Variants in HNRNPL observed in about 807,000 individuals in gnomAD.
HNRNPL encodes the protein epididymis secretory sperm binding protein.
In HNRNPL, 12 loss-of-function variants were observed where a neutral mutation model predicts 64.0. That is an observed-to-expected ratio of 0.19 (90% confidence interval 0.12 to 0.30). The LOEUF is 0.30. HNRNPL is among the 10% of genes least tolerant of loss of function. HNRNPL has a pLI of 1.00. For missense variants in HNRNPL, 484 were observed against 797.4 expected, an observed-to-expected ratio of 0.61 and a Z score of 4.73; for synonymous variants, 385 against 313.0, an observed-to-expected ratio of 1.23 and a Z score of -2.43.
upstream of HNRNPL, chr19:38,852,208 G>A (rs1287795996): frequency 2.6e-5 from 2 of 76,652 alleles, no homozygotes; most frequent in African/African-American, 9.3e-5. Context: ...CCCCCACCCC[G>A]CTGCTCGGAC....
chr19:38,845,753 G>A lies in HNRNPL; in HGVS notation c.625-18C>T, dbSNP rs1298302200. ...AGAACATCCTGCAAAAGCAAACACA[G>A]GCAAGATGAAGGGGCACTGGCAGAT... On this transcript the variant is annotated intron_variant, in intron 3 of 12. Coordinates refer to ENST00000221419, the MANE Select transcript of HNRNPL (RefSeq NM_001533.3). 13 of 1,610,834 alleles carry A rather than the reference G, an allele frequency of 8.1e-6. No individual in the cohort carries two copies. Among genetic ancestry groups the A allele is most frequent in the Non-Finnish European group, 9.3e-6 (11 of 1,177,088 alleles).
At chr19:38,837,768 T>C in intron 10 of HNRNPL, 117 bp from the exon 11 acceptor site, 1 of 839,626 alleles carries the variant, frequency 1.2e-6, no homozygotes, top group Non-Finnish European at 1.9e-6. Context: ...AAAAGGCTTG[T>C]AGATTTTATC....
At chr19:38,843,301 T>C (rs757025165) in intron 6 of HNRNPL, 2 of 155,494 alleles carry the variant, frequency 1.3e-5, no homozygotes, top group Admixed American at 6.2e-5. Context: ...CCTGCAGAGA[T>C]GTTGCGTCCC....
At position 38,838,949 on chromosome 19, in the gene HNRNPL, G is replaced by T. The variant is rs749338445; in HGVS notation, c.1300C>A (p.Arg434=). The T allele has an allele frequency of 3.7e-6, 6 of 1,613,974 alleles. No homozygotes were observed. The highest frequency in any genetic ancestry group is 5.1e-6 in the Non-Finnish European group (6 of 1,180,020). ...VEMADGYAVD[R]AITHLNNNFM... ...TTGTTGTTGAGGTGGGTAATGGCCC[G>T]GTCTACAGCGTAGCCATCAGCCATC... is the stretch of plus-strand genomic sequence containing the variant. Residue 434 remains arginine (R), a synonymous_variant, in exon 9 of 13, where the codon CGG becomes AGG. Transcript: ENST00000221419.
intron 10 of HNRNPL, 112 bp downstream of exon 10, chr19:38,838,285 G>A (rs939090665): frequency 2.4e-6 from 2 of 838,760 alleles, no homozygotes; most frequent in African/African-American, 3.4e-5. Flanking sequence ...CTCAACCCAG[G>A]GCCAGGCAGG....
At chr19:38,843,695 A>C in intron 6 of HNRNPL, 147 bp downstream of exon 6, 1 of 657,398 alleles carries the variant, frequency 1.5e-6, no homozygotes, top group Non-Finnish European at 2.7e-6. Context: ...CCATCCCACT[A>C]GGGTGTCCAA....
chr19:38,850,952 C>A (rs1168107552), upstream of HNRNPL: 1 of 152,294 alleles, frequency 6.6e-6, no homozygotes, highest in East Asian at 1.9e-4. Flanking sequence ...CACTACCCCT[C>A]CTGCAGGAGC....
rs1274230438 is a variant in HNRNPL, at chr19:38,849,819, C to T, written c.148G>A (p.Gly50Ser). Residue 50 changes from glycine (G) to serine (S), a missense_variant, in exon 1 of 13, where the codon GGC (glycine) becomes AGC (serine). Gly to Ser is a moderately conservative substitution (Grantham distance 56, BLOSUM62 0). This residue lies in a region of HNRNPL where 190 missense variants were observed against 160.1 expected (regional missense o/e 1.19). Transcript: ENST00000221419. The stretch of plus-strand genomic sequence containing the variant: ...GGGGCCCGGCCGCCCTCACTGCCGC[C>T]GCCGTAGTAGCGGCCACCGCCGCCT... ...GGGGGGRYYG[G>S]GSEGGRAPKR... The T allele has an allele frequency of 3.9e-6, 5 of 1,277,230 alleles. No homozygotes were observed. Among genetic ancestry groups the T allele is most frequent in the African/African-American group, 1.5e-5 (1 of 64,690 alleles). 79.1% of individuals were successfully genotyped at this position (1,277,230 alleles called of 1,614,324 possible). A position where few individuals can be genotyped will look rare whatever the true frequency, so the allele number is the denominator to read the frequency against.
At chr19:38,850,151 T>TGAGACACTCCTTATA (rs1972463391), upstream of HNRNPL, 11 of 492,014 alleles carry the variant, frequency 2.2e-5, no homozygotes, top group Admixed American at 4.3e-4. Flanking sequence ...CTTGTTTGTC[T>TGAGACACTCCTTATA]GAGACACTCC....
At position 38,836,606 on chromosome 19, in the gene HNRNPL, A is replaced by G. The variant is rs943745523; in HGVS notation, c.*116T>C. The G allele has an allele frequency of 4.7e-6, 2 of 423,500 alleles. No individual in the cohort carries two copies. The highest frequency in any genetic ancestry group is 4.1e-5 in the African/African-American group (2 of 48,622). The allele number at this position is 423,500 out of a possible 1,614,324, so 26.2% of individuals were successfully genotyped here. A position where few individuals can be genotyped will look rare whatever the true frequency, so the allele number is the denominator to read the frequency against. On this transcript the variant is annotated 3_prime_UTR_variant, in exon 13 of 13. Transcript: ENST00000221419. ...TCTACAAACCTAGCATTTAAAAAAA[A>G]AAAAAAAAAAAAAAAAAAGGAATAC...
chr19:38,850,091 C>T (rs1972461724), upstream of HNRNPL: 2 of 727,064 alleles, frequency 2.8e-6, no homozygotes, highest in Admixed American at 4.2e-5. Flanking sequence ...CGCCACACGC[C>T]TTGCGCGCTT....
At chr19:38,846,424 C>T (rs866698354) in intron 2 of HNRNPL, among the ~76,000 whole-genome samples, 1 of 152,196 alleles carries the variant, frequency 6.6e-6, no homozygotes, top group African/African-American at 2.4e-5. Context: ...CAGCTCACTA[C>T]TGTATTTGCA....
chr19:38,844,163 C>T, intron 4 of HNRNPL, 59 bp from the exon 5 acceptor site: 1 of 1,134,292 alleles, frequency 8.8e-7, no homozygotes, highest in South Asian at 1.2e-5. Context: ...CTTCAAGTTA[C>T]CCCAGAGTGT....
Position 38,838,655 on chromosome 19 carries a change from T to C in HNRNPL, c.1356-57A>G, listed in dbSNP as rs898532452. On this transcript the variant is annotated intron_variant, in intron 9 of 12. Transcript: ENST00000221419. Reference sequence around the variant, plus strand: ...ATACCCAAAGTTGTCCCTGAAGCTTTCCCCTGTGGCCTCCAGAGGCTTAGC... The same window carrying C: ...ATACCCAAAGTTGTCCCTGAAGCTTCCCCCTGTGGCCTCCAGAGGCTTAGC... 1.9e-6 allele frequency: 3 copies of C among 1,545,152 alleles called. No individual in the cohort carries two copies. In the African/African-American group the frequency reaches 4.1e-5, roughly 21 times the overall value.
chr19:38,837,976 T>A (rs985916139), intron 10 of HNRNPL, among the ~76,000 whole-genome samples: 1 of 152,212 alleles, frequency 6.6e-6, no homozygotes, highest in African/African-American at 2.4e-5. Flanking sequence ...CCACTTGAGT[T>A]CCTCCTCCCT....
Position 38,846,025 on chromosome 19 carries a change from C to G in HNRNPL, c.452G>C (p.Cys151Ser). 1 of 1,614,214 alleles carries G rather than the reference C, an allele frequency of 6.2e-7. No homozygotes were observed. Among genetic ancestry groups the G allele is most frequent in the Non-Finnish European group, 8.5e-7 (1 of 1,180,032 alleles). Residue 151 changes from cysteine to serine, a missense_variant, in exon 3 of 13, where the codon TGC (cysteine) becomes TCC (serine). Cys to Ser is a moderately radical substitution (Grantham distance 112). This residue lies in a region of HNRNPL where 23 missense variants were observed against 70.8 expected (regional missense o/e 0.32). Coordinates refer to ENST00000221419, the MANE Select transcript of HNRNPL (RefSeq NM_001533.3). ...GTCGGCTGCGTAGTTCACTGCGTTG[C>G]AAGCCCCCAACACATCTTCAAACTC... Reference protein sequence around the residue: ...LVEFEDVLGACNAVNYAADNQ... With the variant: ...LVEFEDVLGASNAVNYAADNQ...
intron 6 of HNRNPL, among the ~76,000 whole-genome samples, chr19:38,843,197 C>T (rs895012056): frequency 6.6e-6 from 1 of 152,100 alleles, no homozygotes; most frequent in African/African-American, 2.4e-5. Context: ...GGGGGGCTGC[C>T]GCTGTTTCTC....
At chr19:38,843,762 C>T (rs968240040) in intron 6 of HNRNPL, 80 bp downstream of exon 6, 2 of 1,223,764 alleles carry the variant, frequency 1.6e-6, no homozygotes, top group Admixed American at 3.5e-5. Flanking sequence ...TTACATAACC[C>T]TGAGCCCAGG....
At chr19:38,841,241 C>T (rs892975826) in intron 6 of HNRNPL, 5 of 288,960 alleles carry the variant, frequency 1.7e-5, no homozygotes, top group Non-Finnish European at 3.4e-5. Context: ...TTTAACTTAG[C>T]GCTTAAGTGG....
Sources: gnomAD v4.1 joint callset for allele counts (sites outside exome capture counted in the v4.1 genomes callset) on GRCh38, gnomAD v4.1.1 for gene constraint, gnomAD v4.1.1 regional missense constraint, MANE v1.5 for transcripts, NCBI Gene and HGNC (gene_info 2026-07-23, HGNC 2026-07-21) for gene names.